The following PPP4C variants were observed in gnomAD, a reference collection of about 807,000 sequenced individuals.
The protein encoded by PPP4C is protein phosphatase 4 catalytic subunit.
A neutral mutation model predicts 40.5 loss-of-function variants in PPP4C; 10 were observed. The ratio of observed to expected loss-of-function variants is 0.25; its 90% CI spans 0.15 to 0.42. PPP4C has a LOEUF of 0.42. Among genes scored for constraint, PPP4C ranks in the 10% least tolerant of loss-of-function variants. The probability of loss-of-function intolerance (pLI) is 1.00; values close to 1 mark genes in which losing one functional copy is unlikely to be tolerated. For synonymous variants in PPP4C, 187 were observed against 163.6 expected (o/e 1.14, Z -1.09); for missense variants, 191 against 416.4 (o/e 0.46, Z 4.71).
At position 30,084,700 on chromosome 16, in the gene PPP4C, C is replaced by G; in HGVS notation, c.639C>G (p.Ala213=). The change falls in exon 8 of 9, where the codon GCC becomes GCG. Residue 213 remains alanine (A), a synonymous_variant. Coordinates refer to ENST00000279387, the MANE Select transcript of PPP4C (RefSeq NM_002720.3). Reference sequence around the variant, plus strand: ...GCTGGGGCGTGAGCCCCCGAGGAGCCGGCTACCTATTTGGCAGTGACGTGG... The same window carrying G: ...GCTGGGGCGTGAGCCCCCGAGGAGCGGGCTACCTATTTGGCAGTGACGTGG... ...TTGWGVSPRG[A]GYLFGSDVVA... 6 of 1,614,228 alleles carry G rather than the reference C, an allele frequency of 3.7e-6. No homozygotes were observed. The highest frequency in any genetic ancestry group is 5.1e-6 in the Non-Finnish European group (6 of 1,180,038).
In PPP4C at chr16:30,083,356, C is replaced by T. The variant is rs199625639; in HGVS notation, c.304-38C>T. The T allele has an allele frequency of 1.1e-4, 167 of 1,588,480 alleles. No individual in the cohort carries two copies. The East Asian group carries it at 3.2e-3, about 30-fold the overall frequency. On this transcript the variant is annotated intron_variant, in intron 5 of 8. Transcript: ENST00000279387. This position sits in a 1 kb window ranked among gnomAD's most constrained non-coding sequence, Gnocchi z 6.3. ...GTCAGAGAGGGATGTGTGGAGAGAC[C>T]GTCTAGGCGCCAGCCCTGGCTTGGT...
rs536280015 is a variant in PPP4C, at chr16:30,076,006, A to AGCGGCGGCGGCGGCGGCGGCGGCG, written c.-150_-127dup. On this transcript the variant is annotated 5_prime_UTR_variant, in exon 1 of 9. Coordinates refer to ENST00000279387, the MANE Select transcript of PPP4C (RefSeq NM_002720.3). ...CTTCCGCGGCGGGGCCGGAAGTAGG[A>AGCGGCGGCGGCGGCGGCGGCGGCG]GCGGCGGCGGCGGCGGCGGCGGCGG... is the stretch of plus-strand genomic sequence containing the variant. 5.8e-6 allele frequency: 2 copies of AGCGGCGGCGGCGGCGGCGGCGGCG among 345,706 alleles called. No individual in the cohort carries two copies. The highest frequency in any genetic ancestry group is 1.1e-5 in the Non-Finnish European group (2 of 187,352). The allele number at this position is 345,706 out of a possible 1,614,324, so 21.4% of individuals were successfully genotyped here.
chr16:30,085,009 C>G lies in PPP4C; in HGVS notation c.871C>G (p.Gln291Glu). ...TTTCATCATCTTTGAGGCTGCTCCC[C>G]AAGAGACACGGGGCATCCCCTCCAA... Reference protein sequence around the residue: ...KDFIIFEAAPQETRGIPSKKP... With the variant: ...KDFIIFEAAPEETRGIPSKKP... The change falls in exon 9 of 9, where the codon CAA becomes GAA. Residue 291 changes from glutamine (Q) to glutamate (E), a missense_variant. Around this residue, in one of 3 missense-constraint regions of PPP4C, gnomAD observed 20 missense variants for 41.0 expected, o/e 0.49. Transcript: ENST00000279387. 1 of 1,614,198 alleles carries G rather than the reference C, an allele frequency of 6.2e-7. No individual in the cohort carries two copies. The highest frequency in any genetic ancestry group is 8.5e-7 in the Non-Finnish European group (1 of 1,180,038).
At chr16:30,082,440 A>G (rs1331646896) in intron 3 of PPP4C, 44 bp from the exon 4 acceptor site, 3 of 1,579,248 alleles carry the variant, frequency 1.9e-6, no homozygotes, top group Non-Finnish European at 2.6e-6. Flanking sequence ...GTCCCTGGCA[A>G]CTCCCACTGC....
intron 2 of PPP4C, among the ~76,000 whole-genome samples, chr16:30,078,964 G>A (rs957150980): frequency 6.6e-6 from 1 of 152,206 alleles, no homozygotes; most frequent in Non-Finnish European, 1.5e-5. Context: ...TGGAATCTGG[G>A]CCTGATTCCC....
chr16:30,077,592 G>C (rs971038256), intron 2 of PPP4C, among the ~76,000 whole-genome samples: 1 of 152,178 alleles, frequency 6.6e-6, no homozygotes, highest in East Asian at 1.9e-4. Context: ...CTGTGTGATT[G>C]TGGCTTCTAC....
At chr16:30,080,728 A>G (rs1395663831) in intron 2 of PPP4C, among the ~76,000 whole-genome samples, 1 of 152,018 alleles carries the variant, frequency 6.6e-6, no homozygotes, top group African/African-American at 2.4e-5. Flanking sequence ...GCTGGTCTCA[A>G]ACTCCTGACC....
Position 30,083,014 on chromosome 16 carries a change from G to C in PPP4C, c.303+167G>C. The C allele has an allele frequency of 1.6e-6, 1 of 635,074 alleles. No homozygotes were observed. Among genetic ancestry groups the C allele is most frequent in the Non-Finnish European group, 2.7e-6 (1 of 368,296 alleles). The allele number at this position is 635,074 out of a possible 1,614,324, so 39.3% of individuals were successfully genotyped here. On this transcript the variant is annotated intron_variant, in intron 5 of 8. Transcript: ENST00000279387. This position sits in a 1 kb window ranked among gnomAD's most constrained non-coding sequence, Gnocchi z 6.3. Reference sequence around the variant, plus strand: ...GGTGGTCAGAGACTTGATGGGGGTTGAGGCCAGCGGGGCAGCATTCTGGGA... The same window carrying C: ...GGTGGTCAGAGACTTGATGGGGGTTCAGGCCAGCGGGGCAGCATTCTGGGA...
chr16:30,078,884 C>A (rs1259895973), intron 2 of PPP4C, among the ~76,000 whole-genome samples: 1 of 152,194 alleles, frequency 6.6e-6, no homozygotes, highest in African/African-American at 2.4e-5. Context: ...GGGCCTGCTG[C>A]GCTGGTAGCC....
At chr16:30,076,258 G>C in intron 1 of PPP4C, 57 bp from the exon 2 acceptor site, 1 of 1,026,992 alleles carries the variant, frequency 9.7e-7, no homozygotes, top group Non-Finnish European at 1.4e-6. Context: ...GAATCGAGTT[G>C]TCCGCTCCGA....
At chr16:30,081,193 A>C (rs754621058) in intron 2 of PPP4C, 66 bp from the exon 3 acceptor site, 46 of 1,606,218 alleles carry the variant, frequency 2.9e-5, no homozygotes, top group Non-Finnish European at 2.6e-5. Context: ...CCCTCCCCCC[A>C]AAAAAGGTCA....
chr16:30,076,802 G>T (rs1195998984), intron 2 of PPP4C, among the ~76,000 whole-genome samples: 1 of 152,210 alleles, frequency 6.6e-6, no homozygotes, highest in Non-Finnish European at 1.5e-5. Context: ...CCTCGAATAA[G>T]GAGGTGGTAA....
At chr16:30,082,437 G>A (rs1325005524) in intron 3 of PPP4C, 47 bp from the exon 4 acceptor site, 15 of 1,567,072 alleles carry the variant, frequency 9.6e-6, no homozygotes, top group African/African-American at 1.4e-5. Flanking sequence ...GTAGTCCCTG[G>A]CAACTCCCAC....
At chr16:30,076,852 TA>T (rs2072411882) in intron 2 of PPP4C, among the ~76,000 whole-genome samples, 1 of 152,174 alleles carries the variant, frequency 6.6e-6, no homozygotes, top group Non-Finnish European at 1.5e-5. Flanking sequence ...ACAGGAAAGT[TA>T]AAGACCCTGT....
intron 2 of PPP4C, among the ~76,000 whole-genome samples, chr16:30,078,651 A>T (rs1032199645): frequency 6.6e-6 from 1 of 152,232 alleles, no homozygotes; most frequent in African/African-American, 2.4e-5. Context: ...GGGCACAGAC[A>T]TGCAGATGAA....
At position 30,082,473 on chromosome 16, in the gene PPP4C, C is replaced by A. The variant is rs1347734082; in HGVS notation, c.151-11C>A. ...TGCTTGAGTTCCAACCCCACTCTTC[C>A]TGTTCCCCAGGTGTGCGGCGACATC... is the stretch of plus-strand genomic sequence containing the variant. On this transcript the variant is annotated splice_polypyrimidine_tract_variant and intron_variant, in intron 3 of 8. Coordinates refer to ENST00000279387, the MANE Select transcript of PPP4C (RefSeq NM_002720.3). 2 of 1,613,240 alleles carry A rather than the reference C, an allele frequency of 1.2e-6. No homozygotes were observed. Among genetic ancestry groups the A allele is most frequent in the African/African-American group, 2.7e-5 (2 of 74,896 alleles).
At chr16:30,077,760 A>C (rs777402845) in intron 2 of PPP4C, among the ~76,000 whole-genome samples, 4 of 152,184 alleles carry the variant, frequency 2.6e-5, no homozygotes, top group Non-Finnish European at 5.9e-5. Flanking sequence ...GGTTGGAATC[A>C]TTTGCTGCAT....
At position 30,083,353 on chromosome 16, in the gene PPP4C, G is replaced by T; in HGVS notation, c.304-41G>T. 6.3e-7 allele frequency: 1 copy of T among 1,586,432 alleles called. No individual in the cohort carries two copies. Among genetic ancestry groups the T allele is most frequent in the African/African-American group, 1.3e-5 (1 of 74,744 alleles). On this transcript the variant is annotated intron_variant, in intron 5 of 8. Transcript: ENST00000279387. This position sits in a 1 kb window ranked among gnomAD's most constrained non-coding sequence, Gnocchi z 6.3. ...GAGGTCAGAGAGGGATGTGTGGAGA[G>T]ACCGTCTAGGCGCCAGCCCTGGCTT...
chr16:30,076,178 C>A, intron 1 of PPP4C, 84 bp downstream of exon 1: 1 of 589,476 alleles, frequency 1.7e-6, no homozygotes, highest in South Asian at 2.0e-5. Flanking sequence ...TGCGGCCAGG[C>A]CGTTGGACGC....
Sources: allele counts gnomAD v4.1 joint callset (sites outside exome capture counted in the v4.1 genomes callset), GRCh38; gene constraint gnomAD v4.1.1; regional missense constraint gnomAD v4.1.1; non-coding constraint Gnocchi (gnomAD v3.1); transcripts MANE v1.5; gene names NCBI Gene and HGNC (gene_info 2026-07-23, HGNC 2026-07-21).